RAPGEF1: variants seen among roughly 807,000 people sequenced by gnomAD.
RAPGEF1 encodes Rap guanine nucleotide exchange factor 1, also known as CRK SH3-binding GNRP.
In RAPGEF1, 33 loss-of-function variants were observed where a neutral mutation model predicts 143.3. That is an observed-to-expected ratio of 0.23 (90% CI 0.17 to 0.31). RAPGEF1 has a LOEUF of 0.31. Among genes scored for constraint, RAPGEF1 ranks in the 10% least tolerant of loss-of-function variants. RAPGEF1 has a pLI of 1.00. For missense variants in RAPGEF1, 1,199 were observed against 1,645.4 expected (o/e 0.73, Z 4.69); for synonymous variants, 629 against 676.5 (o/e 0.93, Z 1.09).
chr9:131,731,950 G>A (rs1367828309), intron 1 of RAPGEF1, among the ~76,000 whole-genome samples: 3 of 152,190 alleles, frequency 2.0e-5, no homozygotes, highest in Non-Finnish European at 4.4e-5. Flanking sequence ...ATTGTCACCT[G>A]TCTTTCAAAC....
chr9:131,634,866 A>G (rs4740175), intron 5 of RAPGEF1, among the ~76,000 whole-genome samples: 131,613 of 152,162 alleles, frequency 0.86, 57,125 homozygotes, highest in African/African-American at 0.93. Flanking sequence ...ATTTCAAAAG[A>G]TCATGCTGGG....
Position 131,596,370 on chromosome 9 carries a change from C to T in RAPGEF1, c.2617G>A (p.Asp873Asn). The change falls in exon 17 of 27, where the codon GAT becomes AAT. Residue 873 changes from aspartate to asparagine, a missense_variant. Physicochemically the swap from Asp to Asn is conservative, Grantham distance 23 (BLOSUM62 1). Around this residue, in one of 6 missense-constraint regions of RAPGEF1, gnomAD observed 209 missense variants for 403.0 expected, o/e 0.52. Transcript: ENST00000683357. The stretch of plus-strand genomic sequence containing the variant: ...CCTCCGCGGACGTCCGGCCCGTCAT[C>T]ACCCTGTAATGAACACAGCCAAGGA... ...MSRLTLKQEGDDGPDVRGGSG... is the reference protein window; with the variant it reads ...MSRLTLKQEGNDGPDVRGGSG... 6.2e-7 allele frequency: 1 copy of T among 1,613,970 alleles called. No individual in the cohort carries two copies. Among genetic ancestry groups the T allele is most frequent in the East Asian group, 2.2e-5 (1 of 44,884 alleles).
chr9:131,690,918 C>A (rs1179727185), intron 1 of RAPGEF1, among the ~76,000 whole-genome samples: 2 of 152,326 alleles, frequency 1.3e-5, no homozygotes, highest in East Asian at 3.9e-4. Flanking sequence ...TGATGCTTGT[C>A]TCAATGCTTT....
intron 5 of RAPGEF1, among the ~76,000 whole-genome samples, chr9:131,632,380 G>C (rs761468396): frequency 1.3e-4 from 19 of 151,378 alleles, no homozygotes; most frequent in Non-Finnish European, 2.1e-4. Context: ...GCCCGCCTCG[G>C]CCTCCCAAAG....
At chr9:131,608,307 C>T (rs910181851) in intron 12 of RAPGEF1, among the ~76,000 whole-genome samples, 3 of 152,206 alleles carry the variant, frequency 2.0e-5, no homozygotes, top group Admixed American at 6.5e-5. Context: ...AGTACTGGGG[C>T]ATTCAGTAGG....
intron 1 of RAPGEF1, among the ~76,000 whole-genome samples, chr9:131,736,833 C>T (rs1050195479): frequency 1.4e-4 from 21 of 152,200 alleles, no homozygotes; most frequent in African/African-American, 4.8e-4. Flanking sequence ...AACAGCAAAA[C>T]TCCAATCACA....
chr9:131,625,909 A>G lies in RAPGEF1; in HGVS notation c.1702+13T>C. On this transcript the variant is annotated intron_variant, in intron 10 of 26. Transcript: ENST00000683357. ...AAAATGCACTTCCTGACAACAGTGC[A>G]ACAAAGGCTTACTGTGTTTGTTTTT... 6.5e-7 allele frequency: 1 copy of G among 1,540,372 alleles called. No individual in the cohort carries two copies. The highest frequency in any genetic ancestry group is 2.3e-5 in the East Asian group (1 of 43,920).
At chr9:131,662,177 C>T (rs757048383) in intron 1 of RAPGEF1, among the ~76,000 whole-genome samples, 4 of 152,202 alleles carry the variant, frequency 2.6e-5, no homozygotes, top group Non-Finnish European at 4.4e-5. Flanking sequence ...TCTCTCCTCT[C>T]CCCACCACCA....
chr9:131,668,505 G>C (rs578023057), intron 1 of RAPGEF1, among the ~76,000 whole-genome samples: 1 of 152,092 alleles, frequency 6.6e-6, no homozygotes, highest in East Asian at 1.9e-4. Context: ...TGACGAGACC[G>C]AGTCACACGG....
In RAPGEF1 at chr9:131,641,949, C is replaced by A. The variant is rs1293119584; in HGVS notation, c.494+1290G>T. Among the ~76,000 whole-genome samples the A allele has an allele frequency of 6.6e-6, 1 of 152,174 alleles. No individual in the cohort carries two copies. Among genetic ancestry groups the A allele is most frequent in the African/African-American group, 2.4e-5 (1 of 41,446 alleles). On this transcript the variant is annotated intron_variant, in intron 4 of 26. Coordinates refer to ENST00000683357, the MANE Select transcript of RAPGEF1 (RefSeq NM_001377935.1). The surrounding 1 kb of genome is among the most constrained non-coding windows in gnomAD (Gnocchi z 4.6). ...AAGAAGAAAACTATGAACTTCATTGCCAAGTTCTGAAAGCAGTTCATAAAA... is the reference window on the plus strand; with the variant it reads ...AAGAAGAAAACTATGAACTTCATTGACAAGTTCTGAAAGCAGTTCATAAAA...
chr9:131,642,437 C>T (rs748671325), intron 4 of RAPGEF1, among the ~76,000 whole-genome samples: 36 of 152,232 alleles, frequency 2.4e-4, no homozygotes, highest in South Asian at 4.1e-4. Flanking sequence ...CATCTTTGCC[C>T]GCCAGCAGGC....
At chr9:131,691,810 A>G (rs1017974856) in intron 1 of RAPGEF1, among the ~76,000 whole-genome samples, 1 of 152,184 alleles carries the variant, frequency 6.6e-6, no homozygotes, top group African/African-American at 2.4e-5. Context: ...GATAAATAAC[A>G]ATTGTGGGTT....
chr9:131,586,763 C>T (rs1307780508), intron 22 of RAPGEF1, among the ~76,000 whole-genome samples: 1 of 113,238 alleles, frequency 8.8e-6, no homozygotes. Context: ...GACTCCGTCT[C>T]ACACACACAC....
intron 15 of RAPGEF1, among the ~76,000 whole-genome samples, chr9:131,600,293 C>T (rs576354009): frequency 3.6e-4 from 55 of 152,312 alleles, no homozygotes; most frequent in African/African-American, 1.3e-3. Context: ...TCATCCTTCT[C>T]TTTCACGAGA....
At chr9:131,671,445 C>T (rs547845132) in intron 1 of RAPGEF1, among the ~76,000 whole-genome samples, 61 of 152,354 alleles carry the variant, frequency 4.0e-4, no homozygotes, top group African/African-American at 1.4e-3. Flanking sequence ...GTTCTGGGCC[C>T]GCCCACAAAA....
chr9:131,624,321 G>A (rs1418844994), intron 10 of RAPGEF1, among the ~76,000 whole-genome samples: 1 of 152,228 alleles, frequency 6.6e-6, no homozygotes, highest in African/African-American at 2.4e-5. Flanking sequence ...GGCACACCAT[G>A]GCTGTAGCTC....
intron 5 of RAPGEF1, 22 bp downstream of exon 5, chr9:131,638,609 GGACT>G (rs1360599237): frequency 6.2e-6 from 10 of 1,612,352 alleles, no homozygotes; most frequent in Non-Finnish European, 7.6e-6. Context: ...TCCCTGACTG[GGACT>G]GTCTGGAACC....
chr9:131,596,170 C>A (rs148413987), intron 17 of RAPGEF1, 128 bp downstream of exon 17: 1 of 794,712 alleles, frequency 1.3e-6, no homozygotes, highest in South Asian at 1.6e-5. Flanking sequence ...CTGACTCAGG[C>A]GCACCAGGAC....
intron 1 of RAPGEF1, among the ~76,000 whole-genome samples, chr9:131,698,790 A>G (rs543858368): frequency 5.4e-4 from 82 of 152,344 alleles, no homozygotes; most frequent in African/African-American, 1.9e-3. Context: ...AGGCCCAGGG[A>G]TAAGCCCTCC....
Sources: allele counts gnomAD v4.1 joint callset (sites outside exome capture counted in the v4.1 genomes callset), GRCh38; gene constraint gnomAD v4.1.1; regional missense constraint gnomAD v4.1.1; non-coding constraint Gnocchi (gnomAD v3.1); transcripts MANE v1.5; gene names NCBI Gene and HGNC (gene_info 2026-07-23, HGNC 2026-07-21).